SETBP1: variants seen among roughly 807,000 people sequenced by gnomAD.
SETBP1 encodes SET-binding protein.
A neutral mutation model predicts 101.0 loss-of-function variants in SETBP1; 9 were observed. The observed-to-expected ratio is 0.09, with a 90% CI of 0.05 to 0.16. SETBP1 has a LOEUF of 0.16. SETBP1 is among the 10% of genes least tolerant of loss of function. The pLI is 1.00. For synonymous variants in SETBP1, 818 were observed against 788.5 expected, an observed-to-expected ratio of 1.04 and a Z score of -0.63; for missense variants, 1,858 against 2,033.8, an observed-to-expected ratio of 0.91 and a Z score of 1.66.
chr18:44,974,475 G>A (rs961318407), intron 4 of SETBP1, among the ~76,000 whole-genome samples: 1 of 152,134 alleles, frequency 6.6e-6, no homozygotes, highest in African/African-American at 2.4e-5. Context: ...GAGGAGTCTA[G>A]GATTATTCAC....
intron 2 of SETBP1, among the ~76,000 whole-genome samples, chr18:44,775,637 C>T (rs1227534500): frequency 6.6e-6 from 1 of 150,602 alleles, no homozygotes; most frequent in Non-Finnish European, 1.5e-5. Context: ...TCACTCAATT[C>T]AGGTGATTAG....
intron 1 of SETBP1, among the ~76,000 whole-genome samples, chr18:44,684,972 G>A (rs886664960): frequency 1.3e-5 from 2 of 152,246 alleles, no homozygotes; most frequent in African/African-American, 2.4e-5. Flanking sequence ...TTTAATGGCC[G>A]TTAGCTTAGA....
At chr18:44,752,027 C>T (rs114447740) in intron 2 of SETBP1, among the ~76,000 whole-genome samples, 260 of 152,246 alleles carry the variant, frequency 1.7e-3, no homozygotes, top group African/African-American at 6.2e-3. Flanking sequence ...GACTACCTCT[C>T]AAAGGTACCA....
At chr18:44,828,032 A>T (rs2072273012) in intron 2 of SETBP1, among the ~76,000 whole-genome samples, 1 of 152,250 alleles carries the variant, frequency 6.6e-6, no homozygotes, top group Non-Finnish European at 1.5e-5. Flanking sequence ...AGCTTTTCAA[A>T]ACACAAACTT....
intron 2 of SETBP1, among the ~76,000 whole-genome samples, chr18:44,862,923 G>A (rs576549174): frequency 1.3e-5 from 2 of 152,266 alleles, no homozygotes; most frequent in Non-Finnish European, 2.9e-5. Flanking sequence ...GACCTGCATA[G>A]GTAAATGATC....
intron 2 of SETBP1, among the ~76,000 whole-genome samples, chr18:44,725,296 A>G (rs1433350538): frequency 1.3e-5 from 2 of 152,192 alleles, no homozygotes; most frequent in African/African-American, 4.8e-5. Flanking sequence ...TTTCACATCT[A>G]AGAGAGACTA....
intron 2 of SETBP1, 106 bp from the exon 3 acceptor site, chr18:44,869,123 GT>G: frequency 1.0e-6 from 1 of 1,000,890 alleles, no homozygotes; most frequent in African/African-American, 1.6e-5. Context: ...TCCCACTTCT[GT>G]AGCTCTCATC....
chr18:44,731,652 A>ACACG (rs534282324), intron 2 of SETBP1, among the ~76,000 whole-genome samples: 3 of 151,748 alleles, frequency 2.0e-5, no homozygotes, highest in African/African-American at 7.3e-5. Context: ...ACACACACAC[A>ACACG]CGCGCACGCA....
intron 4 of SETBP1, among the ~76,000 whole-genome samples, chr18:45,019,418 C>G (rs527586586): frequency 6.6e-6 from 1 of 152,106 alleles, no homozygotes; most frequent in Non-Finnish European, 1.5e-5. Context: ...ATGGCTAAAT[C>G]GAGCTAATTA....
At chr18:44,818,899 C>T (rs1021220877) in intron 2 of SETBP1, among the ~76,000 whole-genome samples, 19 of 151,824 alleles carry the variant, frequency 1.3e-4, no homozygotes, top group African/African-American at 4.4e-4. Flanking sequence ...AGTTTGCTTT[C>T]GCTTACCATG....
Position 45,065,447 on chromosome 18 carries a change from G to A in SETBP1, c.*1749G>A, listed in dbSNP as rs1337931431. 1 of 152,166 alleles carries A rather than the reference G, an allele frequency of 6.6e-6. No homozygotes were observed. The highest frequency in any genetic ancestry group is 6.5e-5 in the Admixed American group (1 of 15,278). The allele number at this position is 152,166 out of a possible 1,614,324, so 9.4% of individuals were successfully genotyped here. A position where few individuals can be genotyped will look rare whatever the true frequency, so the allele number is the denominator to read the frequency against. On this transcript the variant is annotated 3_prime_UTR_variant, in exon 6 of 6. Coordinates refer to ENST00000649279, the MANE Select transcript of SETBP1 (RefSeq NM_015559.3). ...TCTTTACAGGAAGTTGGGACCAGCT[G>A]GAAATTGTATTATCATTTCGGAACA...
intron 4 of SETBP1, among the ~76,000 whole-genome samples, chr18:44,985,541 T>TTA (rs1429012474): frequency 3.3e-5 from 5 of 152,240 alleles, no homozygotes; most frequent in Admixed American, 3.3e-4. Flanking sequence ...ACAGTCTTAT[T>TTA]TATTTCATAT....
Position 44,775,962 on chromosome 18 carries a change from ATCCTGTC to A in SETBP1, c.486+74133_486+74139del, listed in dbSNP as rs372826166. Among the ~76,000 whole-genome samples the A allele has an allele frequency of 4.4e-3, 668 of 152,302 alleles. 1 individual carries two copies. The highest frequency in any genetic ancestry group is 0.015 in the African/African-American group (626 of 41,556). On this transcript the variant is annotated intron_variant, in intron 2 of 5. Transcript: ENST00000649279. ...CATGTTTTCTTTTCTGAATGGCCCT[ATCCTGTC>A]TCTATCCCTTAATTGCCCTTCAATG...
intron 5 of SETBP1, among the ~76,000 whole-genome samples, chr18:45,045,335 T>C (rs2145525595): frequency 6.6e-6 from 1 of 152,168 alleles, no homozygotes; most frequent in East Asian, 1.9e-4. Context: ...GGCAAGAGAA[T>C]CACTTGCACC....
At chr18:45,030,325 G>A (rs1424019848) in intron 4 of SETBP1, among the ~76,000 whole-genome samples, 24 of 123,220 alleles carry the variant, frequency 1.9e-4, no homozygotes, top group Admixed American at 2.6e-4. Context: ...ATTGATTTGC[G>A]TATATTGAAC....
intron 2 of SETBP1, among the ~76,000 whole-genome samples, chr18:44,734,446 A>G (rs2069915982): frequency 6.6e-6 from 1 of 152,214 alleles, no homozygotes; most frequent in African/African-American, 2.4e-5. Flanking sequence ...CTTGCAAGAC[A>G]TAAAAAGAAA....
At chr18:44,856,481 A>T (rs908075868) in intron 2 of SETBP1, among the ~76,000 whole-genome samples, 2 of 152,214 alleles carry the variant, frequency 1.3e-5, no homozygotes, top group African/African-American at 4.8e-5. Context: ...TGGGATGATT[A>T]TGTGAGATCA....
intron 4 of SETBP1, among the ~76,000 whole-genome samples, chr18:45,000,701 T>C (rs902495500): frequency 1.5e-4 from 23 of 151,848 alleles, no homozygotes; most frequent in African/African-American, 5.1e-4. Flanking sequence ...AGCAGAGAAG[T>C]TGTAAGGGAA....
chr18:44,830,735 A>G (rs750078877), intron 2 of SETBP1, among the ~76,000 whole-genome samples: 1 of 152,250 alleles, frequency 6.6e-6, no homozygotes, highest in African/African-American at 2.4e-5. Context: ...CAGTGAATAC[A>G]GGAAAACCAC....
Sources: gnomAD v4.1 joint callset for allele counts (sites outside exome capture counted in the v4.1 genomes callset) on GRCh38, gnomAD v4.1.1 for gene constraint, MANE v1.5 for transcripts, NCBI Gene and HGNC (gene_info 2026-07-23, HGNC 2026-07-21) for gene names.